Variants in AKAP6 observed in about 807,000 individuals in gnomAD.
AKAP6 encodes A-kinase anchor protein 6.
AKAP6 carries 58 observed loss-of-function variants against 188.5 expected under a neutral mutation model. The ratio of observed to expected loss-of-function variants is 0.31; its 90% CI spans 0.25 to 0.38. The LOEUF (loss-of-function observed/expected upper bound fraction) is 0.38. AKAP6 is among the 10% of genes least tolerant of loss of function. The pLI, the probability that AKAP6 is intolerant of heterozygous loss-of-function variation, is 1.00. For synonymous variants in AKAP6, 989 were observed against 998.6 expected, an observed-to-expected ratio of 0.99 and a Z score of 0.18; for missense variants, 2,710 against 2,740.0, an observed-to-expected ratio of 0.99 and a Z score of 0.24.
chr14:32,734,749 A>G (rs1393578642), intron 10 of AKAP6: 1 of 152,092 alleles, frequency 6.6e-6, no homozygotes, highest in Non-Finnish European at 1.5e-5. Flanking sequence ...GTTGCCAAGA[A>G]AGGCTATTTT....
intron 7 of AKAP6, among the ~76,000 whole-genome samples, chr14:32,671,165 CTT>C (rs1183586562): frequency 6.6e-6 from 1 of 152,106 alleles, no homozygotes; most frequent in Non-Finnish European, 1.5e-5. Flanking sequence ...TCAGGGAAGA[CTT>C]GGATGCAAGA....
At chr14:32,510,414 G>GTATATATATACATATATATATGTGTA (rs1881149490) in intron 2 of AKAP6, among the ~76,000 whole-genome samples, 3 of 112,320 alleles carry the variant, frequency 2.7e-5, no homozygotes, top group Middle Eastern at 4.4e-3. Context: ...GTATATATAT[G>GTATATATATACATATATATATGTGTA]TATATATATA....
chr14:32,335,821 T>C (rs1316102125), intron 1 of AKAP6, among the ~76,000 whole-genome samples: 7 of 151,672 alleles, frequency 4.6e-5, no homozygotes, highest in Non-Finnish European at 8.8e-5. Context: ...GTATTTTTTT[T>C]TTTAATACTA....
chr14:32,786,469 G>A (rs1373295646), intron 12 of AKAP6, among the ~76,000 whole-genome samples: 7 of 136,908 alleles, frequency 5.1e-5, no homozygotes, highest in South Asian at 2.5e-4. Context: ...CACCACGCCC[G>A]GCTAATTATT....
At chr14:32,465,028 AC>A (rs1211935698) in intron 2 of AKAP6, among the ~76,000 whole-genome samples, 8 of 152,188 alleles carry the variant, frequency 5.3e-5, no homozygotes, top group African/African-American at 1.9e-4. Context: ...AATAAAACTT[AC>A]AAGGGATGCG....
intron 4 of AKAP6, among the ~76,000 whole-genome samples, chr14:32,556,646 TCTGA>T (rs1392751385): frequency 2.6e-5 from 4 of 152,306 alleles, no homozygotes; most frequent in South Asian, 2.1e-4. Flanking sequence ...CCTAGCCCAT[TCTGA>T]CTATTAACAC....
At chr14:32,483,001 A>ATGTGTGTGTG (rs1172945025) in intron 2 of AKAP6, among the ~76,000 whole-genome samples, 2 of 68,834 alleles carry the variant, frequency 2.9e-5, no homozygotes, top group Admixed American at 1.9e-4. Context: ...ATATATATAT[A>ATGTGTGTGTG]TATATATATA....
At chr14:32,724,316 T>G (rs2030727914) in intron 9 of AKAP6, among the ~76,000 whole-genome samples, 1 of 152,194 alleles carries the variant, frequency 6.6e-6, no homozygotes, top group African/African-American at 2.4e-5. Context: ...CAATGATCTT[T>G]ACATATGGTT....
intron 1 of AKAP6, among the ~76,000 whole-genome samples, chr14:32,344,541 T>C (rs1272157806): frequency 2.0e-5 from 3 of 152,170 alleles, no homozygotes; most frequent in Non-Finnish European, 4.4e-5. Context: ...GAGGAGTGAC[T>C]GAGGATTTCA....
chr14:32,794,019 A>C (rs2033689643), intron 12 of AKAP6, among the ~76,000 whole-genome samples: 1 of 152,184 alleles, frequency 6.6e-6, no homozygotes, highest in South Asian at 2.1e-4. Context: ...ATATCTACAG[A>C]ACTTTCCACC....
At chr14:32,539,433 A>G (rs1392210066) in intron 3 of AKAP6, among the ~76,000 whole-genome samples, 1 of 152,170 alleles carries the variant, frequency 6.6e-6, no homozygotes, top group Non-Finnish European at 1.5e-5. Context: ...AGTATGTGCT[A>G]TATTTTGAAC....
At chr14:32,793,503 CAG>C (rs2033672201) in intron 12 of AKAP6, among the ~76,000 whole-genome samples, 1 of 152,000 alleles carries the variant, frequency 6.6e-6, no homozygotes, top group African/African-American at 2.4e-5. Flanking sequence ...GCACCCAATA[CAG>C]AAGCACACAA....
At position 32,541,330 on chromosome 14, in the gene AKAP6, AATATAT is replaced by A. The variant is rs10594060; in HGVS notation, c.577-3885_577-3880del. 9.4e-3 allele frequency among the ~76,000 whole-genome samples: 1,398 copies of A among 148,204 alleles called. 8 individuals are homozygous for A. The highest frequency in any genetic ancestry group is 0.016 in the African/African-American group (659 of 40,784). On this transcript the variant is annotated intron_variant, in intron 3 of 13. Transcript: ENST00000280979. ...TATTCAGTAAACAATATATTCATCT[AATATAT>A]ATATATATATATATTCAATATATTC...
chr14:32,543,371 G>A (rs1883049194), intron 3 of AKAP6, among the ~76,000 whole-genome samples: 1 of 152,158 alleles, frequency 6.6e-6, no homozygotes, highest in Non-Finnish European at 1.5e-5. Flanking sequence ...ACAAATGACA[G>A]GATTTCCTTC....
intron 2 of AKAP6, among the ~76,000 whole-genome samples, chr14:32,505,066 T>C (rs1880801674): frequency 2.0e-5 from 3 of 152,304 alleles, no homozygotes; most frequent in Admixed American, 1.3e-4. Flanking sequence ...AGTCCTTTCA[T>C]AGGGAGGAGC....
intron 7 of AKAP6, among the ~76,000 whole-genome samples, chr14:32,629,922 A>G (rs1270545556): frequency 6.6e-6 from 1 of 152,082 alleles, no homozygotes; most frequent in African/African-American, 2.4e-5. Flanking sequence ...AATTTTTTTA[A>G]AAAAGAATGA....
chr14:32,565,442 C>T (rs1022393108), intron 4 of AKAP6, among the ~76,000 whole-genome samples: 1 of 152,198 alleles, frequency 6.6e-6, no homozygotes, highest in African/African-American at 2.4e-5. Flanking sequence ...TCCAATTAGT[C>T]CTGTCCATTC....
At chr14:32,667,013 T>C (rs1188119529) in intron 7 of AKAP6, among the ~76,000 whole-genome samples, 1 of 152,146 alleles carries the variant, frequency 6.6e-6, no homozygotes, top group African/African-American at 2.4e-5. Flanking sequence ...GATGTCTTTC[T>C]GCTATATAAG....
intron 2 of AKAP6, among the ~76,000 whole-genome samples, chr14:32,441,143 A>G (rs933048939): frequency 1.3e-5 from 2 of 152,206 alleles, no homozygotes; most frequent in Non-Finnish European, 2.9e-5. Flanking sequence ...GTGTTTATAA[A>G]TTACCCAGTC....
Sources: gnomAD v4.1 joint callset for allele counts (sites outside exome capture counted in the v4.1 genomes callset) on GRCh38, gnomAD v4.1.1 for gene constraint, MANE v1.5 for transcripts, NCBI Gene and HGNC (gene_info 2026-07-23, HGNC 2026-07-21) for gene names.